Variants in STK3 observed in about 807,000 individuals in gnomAD.
STK3 encodes the protein serine/threonine kinase 3.
In STK3, 41 loss-of-function variants were observed where a neutral mutation model predicts 58.0. That is an observed-to-expected ratio of 0.71 (90% confidence interval 0.55 to 0.92). The LOEUF (loss-of-function observed/expected upper bound fraction) is 0.92. Ranked by LOEUF, STK3 falls within the 40% of genes least tolerant of loss-of-function variation. The pLI, the probability that STK3 is intolerant of heterozygous loss-of-function variation, is 0.00. For missense variants in STK3, 479 were observed against 602.7 expected (o/e 0.79, Z 2.15); for synonymous variants, 170 against 191.0 (o/e 0.89, Z 0.91).
chr8:98,475,805 T>A (rs1773517148), intron 10 of STK3, among the ~76,000 whole-genome samples: 1 of 152,168 alleles, frequency 6.6e-6, no homozygotes. Context: ...TTTCCATTCT[T>A]TTGCCAGACG....
rs532997088 is a variant in STK3 at position 98,823,452 on chromosome 8, T to A, written c.26+2063A>T. Among the ~76,000 whole-genome samples the A allele has an allele frequency of 2.6e-5, 4 of 152,318 alleles. No homozygotes were observed. In the South Asian group the frequency reaches 8.3e-4, roughly 32 times the overall value. Reference sequence around the variant, plus strand: ...AGAAAGAGAGTTTCAAAAAGAGCCATCACTGTATACAACAAGAGGGTGCAC... The same window carrying A: ...AGAAAGAGAGTTTCAAAAAGAGCCAACACTGTATACAACAAGAGGGTGCAC... On this transcript the variant is annotated intron_variant, in intron 1 of 10. Coordinates refer to ENST00000419617, the MANE Select transcript of STK3 (RefSeq NM_006281.4).
intron 6 of STK3, among the ~76,000 whole-genome samples, chr8:98,628,080 A>G (rs1027957732): frequency 2.0e-5 from 3 of 152,202 alleles, no homozygotes; most frequent in South Asian, 2.1e-4. Flanking sequence ...TTCTCCTTTA[A>G]TATCTGTTTT....
chr8:98,711,423 G>T (rs1826425308), intron 4 of STK3, among the ~76,000 whole-genome samples: 1 of 152,114 alleles, frequency 6.6e-6, no homozygotes, highest in South Asian at 2.1e-4. Flanking sequence ...AATAACCAAT[G>T]CAGAGAAGTC....
At chr8:98,797,846 CAAT>C (rs763627209) in intron 1 of STK3, among the ~76,000 whole-genome samples, 2 of 151,894 alleles carry the variant, frequency 1.3e-5, no homozygotes, top group Admixed American at 6.6e-5. Flanking sequence ...CACAGAACAA[CAAT>C]GATATAAGGG....
At chr8:98,776,969 G>A (rs981939440) in intron 1 of STK3, among the ~76,000 whole-genome samples, 3 of 151,574 alleles carry the variant, frequency 2.0e-5, no homozygotes, top group Non-Finnish European at 4.4e-5. Flanking sequence ...AGAATGGCGT[G>A]AACCCAGGAG....
chr8:98,361,722 T>C, the STK3 span, among the ~76,000 whole-genome samples: 1 of 152,286 alleles, frequency 6.6e-6, no homozygotes, highest in East Asian at 1.9e-4. Context: ...TATATTTCAT[T>C]GGGACACTGG....
At chr8:98,718,031 G>C (rs1827145538) in intron 4 of STK3, among the ~76,000 whole-genome samples, 1 of 152,206 alleles carries the variant, frequency 6.6e-6, no homozygotes, top group South Asian at 2.1e-4. Flanking sequence ...CAGTAGAACA[G>C]TGGTTGCCAG....
chr8:98,809,456 T>G (rs1834086652), intron 1 of STK3, among the ~76,000 whole-genome samples: 1 of 152,200 alleles, frequency 6.6e-6, no homozygotes. Context: ...TAGAAAAAGT[T>G]TTTTATCATC....
intron 4 of STK3, among the ~76,000 whole-genome samples, chr8:98,741,060 A>C (rs1401719373): frequency 6.6e-6 from 1 of 152,210 alleles, no homozygotes; most frequent in Admixed American, 6.5e-5. Context: ...CTAAACATAT[A>C]TGCACCCAAT....
At chr8:98,826,550 A>G (rs1835314815), upstream of STK3, among the ~76,000 whole-genome samples, 1 of 152,170 alleles carries the variant, frequency 6.6e-6, no homozygotes, top group South Asian at 2.1e-4. Flanking sequence ...TACTCAAGAA[A>G]AGTTTGTTTC....
At chr8:98,458,145 ACAC>A (rs1447205148) in intron 10 of STK3, among the ~76,000 whole-genome samples, 5 of 151,968 alleles carry the variant, frequency 3.3e-5, no homozygotes, top group African/African-American at 4.8e-5. Flanking sequence ...ATGTGCACAC[ACAC>A]ATGTATTTAC....
chr8:98,603,752 TGGGAAGGAAGGGAAGAA>T (rs1265263099), intron 6 of STK3, among the ~76,000 whole-genome samples: 1 of 149,848 alleles, frequency 6.7e-6, no homozygotes, highest in African/African-American at 2.5e-5. Context: ...AAGCGGGGCC[TGGGAAGGAAGGGAAGAA>T]GGAAAGGAAG....
intron 6 of STK3, among the ~76,000 whole-genome samples, chr8:98,655,323 C>T (rs1821395623): frequency 6.6e-6 from 1 of 152,138 alleles, no homozygotes; most frequent in Non-Finnish European, 1.5e-5. Context: ...ACACCTTATA[C>T]AAAAATTAAT....
At chr8:98,906,216 A>T (rs751697971) in intron 1 of STK3, 2 of 152,730 alleles carry the variant, frequency 1.3e-5, no homozygotes, top group Non-Finnish European at 2.9e-5. Context: ...AAAACAGGGC[A>T]GCACCATGAT....
chr8:98,610,569 T>C (rs918957456), intron 6 of STK3, among the ~76,000 whole-genome samples: 1 of 152,214 alleles, frequency 6.6e-6, no homozygotes. Flanking sequence ...CACCACCATA[T>C]GCCACCCTTG....
Position 98,428,057 on chromosome 8 carries a change from C to T in STK3, n.483+6070G>A. The T allele has an allele frequency of 6.2e-7, 1 of 1,612,916 alleles. No homozygotes were observed. On this transcript the variant is annotated intron_variant and non_coding_transcript_variant, in intron 3 of 3. Coordinates refer to the STK3 transcript ENST00000517832. This position sits in a 1 kb window ranked among gnomAD's most constrained non-coding sequence, Gnocchi z 6.7. ...AGATCCGCATCAATGTGGGCGGCTTCAAGAGGAGGCTGCGCTCGCACACGC... is the reference window on the plus strand; with the variant it reads ...AGATCCGCATCAATGTGGGCGGCTTTAAGAGGAGGCTGCGCTCGCACACGC...
rs534247888 is a variant in STK3 at position 98,840,314 on chromosome 8, T to C, written c.110+43333A>G. Among the ~76,000 whole-genome samples the C allele has an allele frequency of 3.8e-4, 53 of 140,600 alleles. 3 individuals carry two copies. In the South Asian group the frequency reaches 6.3e-3, roughly 17 times the overall value. 92.2% of individuals were successfully genotyped at this position (140,600 alleles called of 152,430 possible). On this transcript the variant is annotated intron_variant, in intron 3 of 12. Coordinates refer to the STK3 transcript ENST00000523601. Reference sequence around the variant, plus strand: ...GTGAGCCAAGAACGCACCACTCCACTGCACTCCAGCCTGGGCAACAGAGTG... The same window carrying C: ...GTGAGCCAAGAACGCACCACTCCACCGCACTCCAGCCTGGGCAACAGAGTG...
intron 10 of STK3, among the ~76,000 whole-genome samples, chr8:98,512,642 A>G (rs368034104): frequency 2.9e-4 from 44 of 152,326 alleles, no homozygotes; most frequent in African/African-American, 9.6e-4. Flanking sequence ...TAAATGATCT[A>G]TAAGAATTCT....
intron 7 of STK3, among the ~76,000 whole-genome samples, chr8:98,583,250 T>C (rs1352811481): frequency 1.3e-5 from 2 of 152,182 alleles, no homozygotes; most frequent in African/African-American, 2.4e-5. Context: ...ATCATATTCC[T>C]CAAAATTTGG....
Sources: gnomAD v4.1 joint callset for allele counts (sites outside exome capture counted in the v4.1 genomes callset) on GRCh38, gnomAD v4.1.1 for gene constraint, Gnocchi (gnomAD v3.1) non-coding constraint, MANE v1.5 for transcripts, NCBI Gene and HGNC (gene_info 2026-07-23, HGNC 2026-07-21) for gene names.